The following CABIN1 variants were observed in gnomAD, a reference collection of about 807,000 sequenced individuals.
CABIN1 encodes the protein calcineurin binding protein 1, also known as calcineurin-binding protein cabin-1.
In CABIN1, 133 loss-of-function variants were observed where a neutral mutation model predicts 227.7. That is an observed-to-expected ratio of 0.58 (90% CI 0.51 to 0.67). CABIN1 has a LOEUF of 0.67. Among genes scored for constraint, CABIN1 ranks in the 30% least tolerant of loss-of-function variants. The pLI is 0.00. For missense variants in CABIN1, 2,408 were observed against 2,852.5 expected, an observed-to-expected ratio of 0.84 and a Z score of 3.55; for synonymous variants, 1,086 against 1,155.1, an observed-to-expected ratio of 0.94 and a Z score of 1.21.
chr22:24,096,856 A>G (rs2041924399), intron 25 of CABIN1, among the ~76,000 whole-genome samples: 1 of 152,222 alleles, frequency 6.6e-6, no homozygotes, highest in Non-Finnish European at 1.5e-5. Flanking sequence ...TCCGCTGCCT[A>G]GCTGGGCACT....
intron 34 of CABIN1, among the ~76,000 whole-genome samples, chr22:24,175,435 A>C (rs1489257800): frequency 1.3e-5 from 2 of 152,208 alleles, no homozygotes; most frequent in Non-Finnish European, 2.9e-5. Flanking sequence ...CTGGAAAGGC[A>C]GTGGTTGATG....
chr22:24,049,792 T>G (rs1467492721), intron 7 of CABIN1, among the ~76,000 whole-genome samples: 1 of 152,152 alleles, frequency 6.6e-6, no homozygotes, highest in African/African-American at 2.4e-5. Flanking sequence ...TCCTGTCTTC[T>G]CAACCTGGCT....
intron 26 of CABIN1, among the ~76,000 whole-genome samples, chr22:24,108,648 A>G (rs1355443024): frequency 6.6e-6 from 1 of 152,208 alleles, no homozygotes; most frequent in Non-Finnish European, 1.5e-5. Context: ...AGGAAGGGCT[A>G]TGGCAGGGAT....
chr22:24,160,337 T>TG (rs2046079126), intron 29 of CABIN1: 1 of 152,304 alleles, frequency 6.6e-6, no homozygotes, highest in Non-Finnish European at 1.5e-5. Context: ...CAGGGGCACT[T>TG]GATTTCCTGA....
Position 24,177,827 on chromosome 22 carries a change from G to A in CABIN1, c.6519+10G>A, listed in dbSNP as rs565134679. The A allele has an allele frequency of 7.2e-5, 116 of 1,604,892 alleles. No homozygotes were observed. The highest frequency in any genetic ancestry group is 9.5e-5 in the Non-Finnish European group (112 of 1,174,542). On this transcript the variant is annotated intron_variant, in intron 36 of 36. Coordinates refer to ENST00000263119, the MANE Select transcript of CABIN1 (RefSeq NM_012295.4). The surrounding 1 kb of genome is among the most constrained non-coding windows in gnomAD (Gnocchi z 4.4). ...CAAGCAGAAGCTGAAGGTGACCTCA[G>A]GGGCTGGGCTGGAGCCATGTGTGGG...
chr22:24,067,299 G>A, intron 16 of CABIN1, 118 bp downstream of exon 16: 6 of 1,044,182 alleles, frequency 5.7e-6, no homozygotes, highest in Middle Eastern at 2.0e-4. Context: ...GAGAGTGGAT[G>A]TCAAAACCAC....
chr22:24,133,509 G>C (rs1032178921), intron 28 of CABIN1, among the ~76,000 whole-genome samples: 6 of 152,242 alleles, frequency 3.9e-5, no homozygotes, highest in Non-Finnish European at 8.8e-5. Context: ...GGGGAGGACA[G>C]ATTGGCTGGG....
chr22:24,166,818 C>A lies in CABIN1; in HGVS notation c.5187C>A (p.Asn1729Lys). Reference protein sequence around the residue: ...PEPGGKVGLLNHRPVAMDAGD... With the variant: ...PEPGGKVGLLKHRPVAMDAGD... ...CAGGAGGCAAAGTGGGCCTCCTCAA[C>A]CACCGGCCTGTGGCCATGGATGCAG... Residue 1729 changes from asparagine to lysine, a missense_variant, in exon 32 of 37, where the codon AAC becomes AAA. Coordinates refer to ENST00000263119, the MANE Select transcript of CABIN1 (RefSeq NM_012295.4). 6.2e-7 allele frequency: 1 copy of A among 1,613,072 alleles called. No individual in the cohort carries two copies. Among genetic ancestry groups the A allele is most frequent in the Non-Finnish European group, 8.5e-7 (1 of 1,179,974 alleles).
chr22:24,024,556 T>A (rs577482869), intron 1 of CABIN1, among the ~76,000 whole-genome samples: 1 of 152,326 alleles, frequency 6.6e-6, no homozygotes, highest in South Asian at 2.1e-4. Flanking sequence ...TATGTTAATG[T>A]CTTTAATTGG....
At chr22:24,135,579 T>C (rs2148222436) in intron 29 of CABIN1, among the ~76,000 whole-genome samples, 1 of 152,262 alleles carries the variant, frequency 6.6e-6, no homozygotes, top group Middle Eastern at 3.4e-3. Flanking sequence ...ATTTCCTCTG[T>C]CCTGCATGGA....
chr22:24,019,493 A>ATG (rs2035556922), intron 1 of CABIN1, among the ~76,000 whole-genome samples: 1 of 150,508 alleles, frequency 6.6e-6, no homozygotes, highest in African/African-American at 2.5e-5. Context: ...GACCTCAAGC[A>ATG]ATCCACCCAC....
intron 17 of CABIN1, 90 bp from the exon 18 acceptor site, chr22:24,072,264 C>A: frequency 7.1e-7 from 1 of 1,412,358 alleles, no homozygotes; most frequent in Non-Finnish European, 9.9e-7. Context: ...CACATACCAG[C>A]TCCCCAAGAG....
intron 26 of CABIN1, among the ~76,000 whole-genome samples, chr22:24,109,296 C>T (rs1016498539): frequency 1.1e-4 from 16 of 151,294 alleles, no homozygotes; most frequent in South Asian, 2.1e-4. Context: ...ACTATCACTG[C>T]TCAGTGCAGC....
In CABIN1 at chr22:24,167,380, C is replaced by T. The variant is rs1347625173; in HGVS notation, c.5682+67C>T. 4 of 1,503,290 alleles carry T rather than the reference C, an allele frequency of 2.7e-6. No individual in the cohort carries two copies. The African/African-American group carries it at 5.5e-5, about 21-fold the overall frequency. 93.1% of individuals were successfully genotyped at this position (1,503,290 alleles called of 1,614,324 possible). ...AGCATCCCCACTCTTGCCTTTCTAT[C>T]CTCAAGGAGGGTCTCCCAGGCCTGC... is the stretch of plus-strand genomic sequence containing the variant. On this transcript the variant is annotated intron_variant, in intron 32 of 36. Transcript: ENST00000263119.
Position 24,177,979 on chromosome 22 carries a change from G to T in CABIN1, c.6520-74G>T, listed in dbSNP as rs2047211517. ...GGGTGGGAGGGGGGCCTGGGGCAGG[G>T]GTGAAGGTGGCAGAGGGGCTTGGGG... On this transcript the variant is annotated intron_variant, in intron 36 of 36. Transcript: ENST00000263119. The surrounding 1 kb of genome is among the most constrained non-coding windows in gnomAD (Gnocchi z 4.4). 3 of 1,606,062 alleles carry T rather than the reference G, an allele frequency of 1.9e-6. No individual in the cohort carries two copies. In the African/African-American group the frequency reaches 4.0e-5, roughly 22 times the overall value.
At chr22:24,103,915 C>G (rs1245032303) in intron 26 of CABIN1, among the ~76,000 whole-genome samples, 1 of 152,040 alleles carries the variant, frequency 6.6e-6, no homozygotes, top group East Asian at 1.9e-4. Flanking sequence ...CATGAGCTGG[C>G]AGACGGGAGC....
rs138654251 is a variant in CABIN1, at chr22:24,154,735, A to G, written c.4747-9665A>G. ...CTGGAGGGAAGGAAGGAGGGCAGAG[A>G]GTGTGACATTACCCAGGCTGAAGGG... On this transcript the variant is annotated intron_variant, in intron 29 of 36. Coordinates refer to ENST00000263119, the MANE Select transcript of CABIN1 (RefSeq NM_012295.4). Among the ~76,000 whole-genome samples the G allele has an allele frequency of 9.1e-3, 1,381 of 152,246 alleles. 22 individuals carry two copies. The highest frequency in any genetic ancestry group is 0.031 in the African/African-American group (1,293 of 41,544).
intron 29 of CABIN1, among the ~76,000 whole-genome samples, chr22:24,135,973 C>A (rs574524368): frequency 2.6e-5 from 4 of 152,094 alleles, no homozygotes; most frequent in Non-Finnish European, 4.4e-5. Context: ...TCTGCCCACC[C>A]TCTCTGTTTT....
chr22:24,041,386 G>C, intron 5 of CABIN1, 113 bp downstream of exon 5: 2 of 1,343,858 alleles, frequency 1.5e-6, no homozygotes, highest in Non-Finnish European at 2.1e-6. Context: ...GGATCACCAA[G>C]CTATAGTACC....
Sources: gnomAD v4.1 joint callset for allele counts (sites outside exome capture counted in the v4.1 genomes callset) on GRCh38, gnomAD v4.1.1 for gene constraint, Gnocchi (gnomAD v3.1) non-coding constraint, MANE v1.5 for transcripts, NCBI Gene and HGNC (gene_info 2026-07-23, HGNC 2026-07-21) for gene names.